REPS2: variants seen among roughly 807,000 people sequenced by gnomAD.
REPS2 encodes the protein ralBP1-associated Eps domain-containing protein 2.
In REPS2, 23 loss-of-function variants were observed where a neutral mutation model predicts 53.6. The ratio of observed to expected loss-of-function variants is 0.43; its 90% CI spans 0.31 to 0.61. The LOEUF is 0.61. REPS2 is among the 20% of genes least tolerant of loss of function. REPS2 has a pLI of 0.11. For synonymous variants in REPS2, 238 were observed against 218.6 expected (o/e 1.09, Z -0.78); for missense variants, 446 against 534.9 (o/e 0.83, Z 1.64).
intron 1 of REPS2, among the ~76,000 whole-genome samples, chrX:16,969,567 A>G (rs2147685874): frequency 9.1e-6 from 1 of 110,085 alleles, no homozygotes; most frequent in East Asian, 2.9e-4. Context: ...CCACCAAAAA[A>G]ATACGAAAAC....
intron 1 of REPS2, among the ~76,000 whole-genome samples, chrX:16,961,245 A>T (rs1370373268): frequency 8.9e-6 from 1 of 112,159 alleles, no homozygotes; most frequent in Non-Finnish European, 1.9e-5. Context: ...CTGGCATAAA[A>T]ACAGACATAT....
rs747574794 is a variant in REPS2 at position 17,022,113 on chromosome X, G to C, written c.398-10G>C. ...TCTGACTAGAGCTTCTCTGATTTCT[G>C]GTCCCAAAGAATTGCCTCTGCCTCG... On this transcript the variant is annotated splice_polypyrimidine_tract_variant and intron_variant, in intron 2 of 17. Transcript: ENST00000357277. The C allele has an allele frequency of 6.7e-6, 8 of 1,190,567 alleles. No homozygotes were observed. The highest frequency in any genetic ancestry group is 4.5e-5 in the Admixed American group (2 of 44,213).
At chrX:17,042,553 A>G (rs1222195125) in intron 5 of REPS2, among the ~76,000 whole-genome samples, 1 of 111,242 alleles carries the variant, frequency 9.0e-6, no homozygotes, top group Non-Finnish European at 1.9e-5. Context: ...TCCTTTCACA[A>G]AGAACATCAT....
At chrX:17,190,220 GTTA>G in the REPS2 span, among the ~76,000 whole-genome samples, 1 of 111,927 alleles carries the variant, frequency 8.9e-6, no homozygotes, top group African/African-American at 3.3e-5. Context: ...TACAGAAGAC[GTTA>G]TTATGTGGAA....
the REPS2 span, among the ~76,000 whole-genome samples, chrX:17,183,335 A>G: frequency 4.4e-5 from 5 of 112,458 alleles, no homozygotes; most frequent in South Asian, 3.7e-4. Flanking sequence ...TGAAGAAATG[A>G]TACACTTATT....
chrX:17,057,709 G>A (rs1269736677), intron 8 of REPS2, among the ~76,000 whole-genome samples: 1 of 112,357 alleles, frequency 8.9e-6, no homozygotes, highest in Non-Finnish European at 1.9e-5. Context: ...CCCTCGTCTT[G>A]TCTTGTCTTG....
intron 3 of REPS2, among the ~76,000 whole-genome samples, chrX:17,023,386 T>A (rs1485114447): frequency 3.8e-5 from 4 of 104,653 alleles, no homozygotes; most frequent in African/African-American, 1.4e-4. Context: ...CGAGATCACA[T>A]CACTGCACTC....
At chrX:16,983,209 A>G (rs773699662) in intron 1 of REPS2, among the ~76,000 whole-genome samples, 1 of 112,249 alleles carries the variant, frequency 8.9e-6, no homozygotes, top group African/African-American at 3.2e-5. Flanking sequence ...AAAATATATA[A>G]AATACAGCAC....
intron 2 of REPS2, among the ~76,000 whole-genome samples, chrX:17,015,023 C>T (rs192102109): frequency 1.6e-3 from 184 of 113,185 alleles, no homozygotes; most frequent in African/African-American, 5.1e-3. Context: ...GTGTGGCCTC[C>T]GGCCAGTTTC....
intron 17 of REPS2, among the ~76,000 whole-genome samples, chrX:17,143,319 A>G (rs909042745): frequency 8.9e-5 from 10 of 112,115 alleles, no homozygotes; most frequent in African/African-American, 3.2e-4. Flanking sequence ...TTAAATTTCA[A>G]AGTTCATTCT....
At chrX:17,138,673 C>T (rs1214327275) in intron 16 of REPS2, 183 bp from the exon 17 acceptor site, 4 of 306,263 alleles carry the variant, frequency 1.3e-5, no homozygotes, top group African/African-American at 2.7e-5. Context: ...ATAATTCATC[C>T]CAATAAATTT....
chrX:17,129,123 C>T (rs1317608294), intron 14 of REPS2, among the ~76,000 whole-genome samples: 1 of 111,628 alleles, frequency 9.0e-6, no homozygotes. Context: ...CAGAGTTGTT[C>T]CCCATGACCC....
In REPS2 at chrX:16,947,040, C is replaced by A. The variant is rs747915100; in HGVS notation, c.179C>A (p.Ala60Asp). The A allele has an allele frequency of 4.0e-6, 4 of 998,118 alleles. No individual in the cohort carries two copies. The African/African-American group carries it at 8.2e-5, about 20-fold the overall frequency. 82.3% of individuals were successfully genotyped at this position (998,118 alleles called of 1,213,427 possible). ...GGCCCCGGGTCTGGGCCCCCCGAGGCCGCCAGAGTCGCCCCCGGCACGGCC... is the reference window on the plus strand; with the variant it reads ...GGCCCCGGGTCTGGGCCCCCCGAGGACGCCAGAGTCGCCCCCGGCACGGCC... Reference protein sequence around the residue: ...GGGPGSGPPEAARVAPGTATA... With the variant: ...GGGPGSGPPEDARVAPGTATA... Residue 60 changes from alanine to aspartate, a missense_variant, in exon 1 of 18, where the codon GCC becomes GAC. By Grantham distance (126) the Ala-to-Asp change is moderately radical. Coordinates refer to ENST00000357277, the MANE Select transcript of REPS2 (RefSeq NM_004726.3).
chrX:17,129,458 T>C (rs993293423), intron 14 of REPS2, among the ~76,000 whole-genome samples: 1 of 111,521 alleles, frequency 9.0e-6, no homozygotes, highest in Non-Finnish European at 1.9e-5. Context: ...CTAATGCCTG[T>C]GTTCCAGGTC....
chrX:17,149,236 C>T lies in REPS2; in HGVS notation c.*1755C>T, dbSNP rs1188141787. 5 of 185,931 alleles carry T rather than the reference C, an allele frequency of 2.7e-5. No individual in the cohort carries two copies. Among genetic ancestry groups the T allele is most frequent in the Non-Finnish European group, 5.0e-5 (5 of 100,292 alleles). The allele number at this position is 185,931 out of a possible 1,213,427, so 15.3% of individuals were successfully genotyped here. On this transcript the variant is annotated 3_prime_UTR_variant, in exon 18 of 18. Coordinates refer to ENST00000357277, the MANE Select transcript of REPS2 (RefSeq NM_004726.3). The stretch of plus-strand genomic sequence containing the variant: ...ACTCTTCCGAAGATTATGAATGGGT[C>T]AGCACAAATTTTTAGGCAACTGCTT...
At chrX:17,082,683 C>T (rs950533444) in intron 13 of REPS2, among the ~76,000 whole-genome samples, 25 of 112,201 alleles carry the variant, frequency 2.2e-4, no homozygotes, top group Non-Finnish European at 4.3e-4. Context: ...AGAGCTATCT[C>T]GGATAAATTA....
At chrX:17,050,194 C>CTTTTCTTTT (rs1555926833) in intron 6 of REPS2, among the ~76,000 whole-genome samples, 2 of 51,801 alleles carry the variant, frequency 3.9e-5, no homozygotes, top group Non-Finnish European at 3.1e-5. Context: ...TTCTTTCTTT[C>CTTTTCTTTT]TTTTTTTTTT....
At chrX:17,184,490 C>T in the REPS2 span, among the ~76,000 whole-genome samples, 7 of 106,984 alleles carry the variant, frequency 6.5e-5, no homozygotes, top group East Asian at 5.9e-4. Flanking sequence ...AATAAACATA[C>T]GTGTGCATGT....
Position 17,052,439 on chromosome X carries a change from A to G in REPS2, c.965A>G (p.Tyr322Cys). The G allele has an allele frequency of 1.7e-6, 2 of 1,193,458 alleles. No individual in the cohort carries two copies. The highest frequency in any genetic ancestry group is 2.3e-6 in the Non-Finnish European group (2 of 882,003). ...KSKLSIPELS[Y>C]IWELSDADCD... is the part of the protein sequence containing the mutation. ...AAGCTTTCCATTCCAGAACTCTCCT[A>G]TATATGGTAAGTACAATTAATGCCA... The change falls in exon 7 of 18, where the codon TAT (tyrosine) becomes TGT (cysteine). Residue 322 changes from tyrosine to cysteine, a missense_variant. Coordinates refer to ENST00000357277, the MANE Select transcript of REPS2 (RefSeq NM_004726.3).
Sources: allele counts gnomAD v4.1 joint callset (sites outside exome capture counted in the v4.1 genomes callset), GRCh38; gene constraint gnomAD v4.1.1; transcripts MANE v1.5; gene names NCBI Gene and HGNC (gene_info 2026-07-23, HGNC 2026-07-21).